Variants in GALNT10 observed in about 807,000 individuals in gnomAD.
The protein encoded by GALNT10 is GalNAc transferase 10.
In GALNT10, 41 loss-of-function variants were observed where a neutral mutation model predicts 75.0. The ratio of observed to expected loss-of-function variants is 0.55; its 90% CI spans 0.43 to 0.71. GALNT10 has a LOEUF of 0.71. Ranked by LOEUF, GALNT10 falls within the 30% of genes least tolerant of loss-of-function variation. The pLI is 0.00. For synonymous variants in GALNT10, 302 were observed against 313.0 expected (o/e 0.96, Z 0.37); for missense variants, 727 against 818.5 (o/e 0.89, Z 1.36).
chr5:154,292,393 T>C (rs1166675006), intron 1 of GALNT10, among the ~76,000 whole-genome samples: 1 of 152,218 alleles, frequency 6.6e-6, no homozygotes, highest in Non-Finnish European at 1.5e-5. Flanking sequence ...TTGAACACCA[T>C]GGCTTTAGTT....
At chr5:154,277,656 G>C (rs1361195685) in intron 1 of GALNT10, among the ~76,000 whole-genome samples, 1 of 152,160 alleles carries the variant, frequency 6.6e-6, no homozygotes, top group South Asian at 2.1e-4. Flanking sequence ...AAACCATTTG[G>C]AAAAGGTACA....
intron 1 of GALNT10, among the ~76,000 whole-genome samples, chr5:154,222,570 C>T (rs1198715062): frequency 6.6e-6 from 1 of 152,190 alleles, no homozygotes; most frequent in African/African-American, 2.4e-5. Flanking sequence ...TATCATGTTG[C>T]ATTCCCACCA....
intron 4 of GALNT10, among the ~76,000 whole-genome samples, chr5:154,339,619 A>ATC (rs1754999272): frequency 6.6e-6 from 1 of 152,194 alleles, no homozygotes; most frequent in African/African-American, 2.4e-5. Flanking sequence ...AAGAATCAAA[A>ATC]GCTCCAATGT....
At position 154,329,593 on chromosome 5, in the gene GALNT10, G is replaced by A. The variant is rs766041128; in HGVS notation, c.423G>A (p.Leu141=). 1 of 1,613,846 alleles carries A rather than the reference G, an allele frequency of 6.2e-7. No individual in the cohort carries two copies. The highest frequency in any genetic ancestry group is 2.2e-5 in the East Asian group (1 of 44,872). ...RHPNCNSKRY[L]ETLPNTSIII... ...CTAGCTGCAACAGCAAGCGCTACCT[G>A]GAGACACTTCCCAACACAAGCATCA... The change falls in exon 4 of 12, where the codon CTG becomes CTA. Residue 141 remains leucine, a synonymous_variant. Coordinates refer to ENST00000297107, the MANE Select transcript of GALNT10 (RefSeq NM_198321.4).
At chr5:154,316,094 G>A (rs1754590727) in intron 3 of GALNT10, among the ~76,000 whole-genome samples, 1 of 152,130 alleles carries the variant, frequency 6.6e-6, no homozygotes, top group Non-Finnish European at 1.5e-5. Context: ...TTTATTAGTG[G>A]GAGTTTTTAG....
At position 154,374,724 on chromosome 5, in the gene GALNT10, G is replaced by A. The variant is rs949614384; in HGVS notation, c.569-1553G>A. ...TAAAAGTAACACTGGATAACGTGGA[G>A]GGAAAGCCTTCTCTTTTCAATTCTT... On this transcript the variant is annotated intron_variant, in intron 4 of 11. Transcript: ENST00000297107. Among the ~76,000 whole-genome samples, 5 of 152,304 alleles carry A rather than the reference G, an allele frequency of 3.3e-5. 1 individual carries two copies. The highest frequency in any genetic ancestry group is 2.6e-4 in the Admixed American group (4 of 15,308).
intron 1 of GALNT10, among the ~76,000 whole-genome samples, chr5:154,212,546 CTGTT>C (rs1444609091): frequency 2.6e-5 from 4 of 152,240 alleles, no homozygotes; most frequent in Admixed American, 6.5e-5. Context: ...TCTGATTTCT[CTGTT>C]TGTCTTAACA....
chr5:154,306,654 A>C (rs1046289561), intron 3 of GALNT10, among the ~76,000 whole-genome samples: 1 of 152,160 alleles, frequency 6.6e-6, no homozygotes, highest in African/African-American at 2.4e-5. Flanking sequence ...CAGTAAACAG[A>C]AGAAAGGATG....
At chr5:154,217,971 A>G (rs1752909578) in intron 1 of GALNT10, 2 of 976,826 alleles carry the variant, frequency 2.0e-6, no homozygotes, top group Admixed American at 6.1e-5. Flanking sequence ...ATGTTGGGGT[A>G]GGGATAGAAG....
At chr5:154,293,613 A>ATATATTTTTTTTTTTTTTTTT in intron 1 of GALNT10, among the ~76,000 whole-genome samples, 6 of 109,356 alleles carry the variant, frequency 5.5e-5, no homozygotes, top group African/African-American at 2.1e-4. Flanking sequence ...ATATATATAT[A>ATATATTTTTTTTTTTTTTTTT]TTTTTTTTTT....
chr5:154,420,774 A>T lies in GALNT10; in HGVS notation c.*3802A>T, dbSNP rs1387888833. The T allele has an allele frequency of 6.6e-6, 1 of 152,096 alleles. No individual in the cohort carries two copies. Among genetic ancestry groups the T allele is most frequent in the African/African-American group, 2.4e-5 (1 of 41,406 alleles). 9.4% of individuals were successfully genotyped at this position (152,096 alleles called of 1,614,324 possible). The stretch of plus-strand genomic sequence containing the variant: ...GTGCCAGGCAACAGAACAGGGTCAG[A>T]CTCCTGCTCTGTTATTGGCTTGAAG... On this transcript the variant is annotated 3_prime_UTR_variant, in exon 12 of 12. Transcript: ENST00000297107.
intron 4 of GALNT10, among the ~76,000 whole-genome samples, chr5:154,339,638 G>A (rs1288552715): frequency 6.6e-6 from 1 of 152,102 alleles, no homozygotes; most frequent in African/African-American, 2.4e-5. Flanking sequence ...GTTTTGGAAA[G>A]AGTTGTTTCT....
intron 1 of GALNT10, among the ~76,000 whole-genome samples, chr5:154,262,227 G>A (rs1753708916): frequency 6.6e-6 from 1 of 150,752 alleles, no homozygotes; most frequent in Admixed American, 6.6e-5. Context: ...TTAGGGAGGG[G>A]CCCAGACAGG....
chr5:154,302,241 T>C (rs746967710), intron 3 of GALNT10, among the ~76,000 whole-genome samples: 1 of 152,242 alleles, frequency 6.6e-6, no homozygotes, highest in African/African-American at 2.4e-5. Context: ...AAGAACAAGA[T>C]TGAGGGGCTG....
chr5:154,201,929 G>A lies in GALNT10; in HGVS notation c.159+10904G>A, dbSNP rs189241939. Among the ~76,000 whole-genome samples the A allele has an allele frequency of 1.5e-4, 18 of 119,288 alleles. No homozygotes were observed. The East Asian group carries it at 3.3e-3, about 22-fold the overall frequency. 78.3% of individuals were successfully genotyped at this position (119,288 alleles called of 152,430 possible). On this transcript the variant is annotated intron_variant, in intron 1 of 11. Transcript: ENST00000297107. ...GGGTGACAGAGCAAGATTCCGTCTC[G>A]AGGAAAAGAAAAAAAAAAAAAGAAA...
chr5:154,306,523 A>C (rs1306483176), intron 3 of GALNT10, among the ~76,000 whole-genome samples: 1 of 152,214 alleles, frequency 6.6e-6, no homozygotes, highest in Non-Finnish European at 1.5e-5. Context: ...GAATGTCACT[A>C]AACTACTACA....
chr5:154,223,408 G>T (rs551288414), intron 1 of GALNT10, among the ~76,000 whole-genome samples: 1 of 152,308 alleles, frequency 6.6e-6, no homozygotes, highest in South Asian at 2.1e-4. Flanking sequence ...GACTTTGAAG[G>T]CCCCATTCTT....
intron 1 of GALNT10, among the ~76,000 whole-genome samples, chr5:154,218,326 T>C (rs1276138651): frequency 6.6e-6 from 1 of 152,158 alleles, no homozygotes; most frequent in African/African-American, 2.4e-5. Flanking sequence ...GACATTTTAA[T>C]TAATTATAGT....
At chr5:154,206,890 C>T (rs185647315) in intron 1 of GALNT10, among the ~76,000 whole-genome samples, 28 of 152,330 alleles carry the variant, frequency 1.8e-4, no homozygotes, top group Middle Eastern at 3.4e-3. Context: ...ACTACGGCAA[C>T]GCAGGAGCCA....
Sources: gnomAD v4.1 joint callset for allele counts (sites outside exome capture counted in the v4.1 genomes callset) on GRCh38, gnomAD v4.1.1 for gene constraint, MANE v1.5 for transcripts, NCBI Gene and HGNC (gene_info 2026-07-23, HGNC 2026-07-21) for gene names.